SOX5: variants seen among roughly 807,000 people sequenced by gnomAD.
SOX5 encodes the protein transcription factor SOX-5.
Under a neutral mutation model 92.0 loss-of-function variants are expected in SOX5, and 9 were observed. The ratio of observed to expected loss-of-function variants is 0.10; its 90% CI spans 0.06 to 0.17. The LOEUF (loss-of-function observed/expected upper bound fraction) is 0.17, where lower values mean the gene tolerates loss of function less well. Ranked by LOEUF, SOX5 falls within the 10% of genes least tolerant of loss-of-function variation. SOX5 has a pLI of 1.00. For synonymous variants in SOX5, 344 were observed against 336.3 expected (o/e 1.02, Z -0.25); for missense variants, 642 against 944.5 (o/e 0.68, Z 4.20).
intron 3 of SOX5, among the ~76,000 whole-genome samples, chr12:24,239,161 A>T (rs1965089227): frequency 6.6e-6 from 1 of 152,228 alleles, no homozygotes; most frequent in Non-Finnish European, 1.5e-5. Context: ...AGTGGAATAA[A>T]TATGAGAAGT....
chr12:24,389,050 C>T (rs1222731439), intron 1 of SOX5, among the ~76,000 whole-genome samples: 1 of 151,996 alleles, frequency 6.6e-6, no homozygotes, highest in Non-Finnish European at 1.5e-5. Flanking sequence ...TGGTGTGCTG[C>T]ACCCATTAAC....
chr12:24,458,749 C>T (rs1227339714), intron 1 of SOX5, among the ~76,000 whole-genome samples: 2 of 152,142 alleles, frequency 1.3e-5, no homozygotes, highest in African/African-American at 4.8e-5. Context: ...ATTTTAACAA[C>T]ATCTCCGGGT....
At chr12:24,370,054 TG>T (rs778180711) in intron 1 of SOX5, among the ~76,000 whole-genome samples, 2 of 152,252 alleles carry the variant, frequency 1.3e-5, no homozygotes, top group African/African-American at 2.4e-5. Context: ...GTTTTTGTTT[TG>T]TTTTGGTAAA....
intron 4 of SOX5, among the ~76,000 whole-genome samples, chr12:24,099,901 C>G (rs1945882839): frequency 6.6e-6 from 1 of 152,038 alleles, no homozygotes; most frequent in African/African-American, 2.4e-5. Flanking sequence ...CTTATCTGCA[C>G]CTTTGTTTGG....
intron 2 of SOX5, among the ~76,000 whole-genome samples, chr12:23,861,838 A>G (rs1028497346): frequency 2.0e-5 from 3 of 152,114 alleles, no homozygotes; most frequent in Non-Finnish European, 4.4e-5. Context: ...TTTGCTATCT[A>G]TTCATTATAC....
chr12:23,939,901 C>T (rs1595791505), intron 1 of SOX5, among the ~76,000 whole-genome samples: 1 of 150,946 alleles, frequency 6.6e-6, no homozygotes. Context: ...TTTTGAGAAA[C>T]ACTCAAAATT....
intron 3 of SOX5, among the ~76,000 whole-genome samples, chr12:23,816,220 T>TG (rs1221786353): frequency 6.6e-6 from 1 of 150,988 alleles, no homozygotes; most frequent in Non-Finnish European, 1.5e-5. Flanking sequence ...TTTTTTTTTT[T>TG]TTTTTGTTGG....
chr12:24,240,783 C>A (rs1000600854), intron 3 of SOX5, among the ~76,000 whole-genome samples: 1 of 152,170 alleles, frequency 6.6e-6, no homozygotes. Context: ...CTGTTACTAT[C>A]AAACAATATC....
chr12:24,149,297 C>T (rs1379954636), intron 4 of SOX5, among the ~76,000 whole-genome samples: 1 of 151,976 alleles, frequency 6.6e-6, no homozygotes, highest in Non-Finnish European at 1.5e-5. Context: ...AAATACAAAT[C>T]ATATATTGAT....
At chr12:24,142,616 C>G (rs980193096) in intron 4 of SOX5, among the ~76,000 whole-genome samples, 5 of 151,830 alleles carry the variant, frequency 3.3e-5, no homozygotes, top group African/African-American at 4.8e-5. Flanking sequence ...AACAATGGAC[C>G]TAATATATGT....
At chr12:24,022,631 T>A (rs1954429375) in intron 4 of SOX5, among the ~76,000 whole-genome samples, 2 of 152,014 alleles carry the variant, frequency 1.3e-5, no homozygotes. Flanking sequence ...CACACTAGAG[T>A]GGCACCTTGC....
chr12:23,663,786 C>G (rs2083394238), intron 7 of SOX5, among the ~76,000 whole-genome samples: 1 of 150,380 alleles, frequency 6.6e-6, no homozygotes, highest in Admixed American at 6.6e-5. Context: ...AATTAAAATT[C>G]TATTCATAGA....
chr12:24,285,733 T>C (rs1248761552), intron 2 of SOX5, among the ~76,000 whole-genome samples: 1 of 152,208 alleles, frequency 6.6e-6, no homozygotes, highest in Non-Finnish European at 1.5e-5. Flanking sequence ...CCTTCCAGTG[T>C]TAGGAATAAA....
chr12:23,758,388 G>GTT (rs61280264), intron 3 of SOX5, among the ~76,000 whole-genome samples: 27,485 of 143,992 alleles, frequency 0.19, 2,804 homozygotes, highest in Non-Finnish European at 0.24. Flanking sequence ...CTTGAACTAA[G>GTT]TTTTTTTTTT....
chr12:23,922,078 C>G (rs1172468000), intron 1 of SOX5, among the ~76,000 whole-genome samples: 1 of 152,164 alleles, frequency 6.6e-6, no homozygotes, highest in South Asian at 2.1e-4. Flanking sequence ...CCCCCCTGGG[C>G]TCCCACTTTT....
intron 1 of SOX5, among the ~76,000 whole-genome samples, chr12:23,948,666 C>T (rs1201191838): frequency 2.0e-5 from 3 of 150,980 alleles, no homozygotes; most frequent in South Asian, 2.1e-4. Flanking sequence ...AAACAAAATT[C>T]TATTTATAGT....
intron 4 of SOX5, among the ~76,000 whole-genome samples, chr12:24,040,882 AC>A (rs779006053): frequency 2.6e-5 from 4 of 152,122 alleles, no homozygotes; most frequent in South Asian, 2.1e-4. Context: ...CAAGGAAAAA[AC>A]AAAAAAAAAA....
chr12:24,318,114 C>T (rs1332674393), intron 2 of SOX5, among the ~76,000 whole-genome samples: 1 of 152,094 alleles, frequency 6.6e-6, no homozygotes, highest in African/African-American at 2.4e-5. Flanking sequence ...GAGGCTGAGG[C>T]ATGAGAATCG....
At chr12:23,987,789 C>T (rs554450001) in intron 4 of SOX5, among the ~76,000 whole-genome samples, 1 of 152,012 alleles carries the variant, frequency 6.6e-6, no homozygotes, top group African/African-American at 2.4e-5. Context: ...CTAGACCCTG[C>T]CTTGAAAACA....
Sources: gnomAD v4.1 joint callset for allele counts (sites outside exome capture counted in the v4.1 genomes callset) on GRCh38, gnomAD v4.1.1 for gene constraint, MANE v1.5 for transcripts, NCBI Gene and HGNC (gene_info 2026-07-23, HGNC 2026-07-21) for gene names.